ATP2B2: variants seen among roughly 807,000 people sequenced by gnomAD.
ATP2B2 encodes plasma membrane calcium-transporting ATPase 2.
ATP2B2 carries 15 observed loss-of-function variants against 120.0 expected under a neutral mutation model. The ratio of observed to expected loss-of-function variants is 0.12; its 90% confidence interval spans 0.08 to 0.19. The LOEUF is 0.19. Among genes scored for constraint, ATP2B2 ranks in the 10% least tolerant of loss-of-function variants. The pLI is 1.00. For missense variants in ATP2B2, 1,045 were observed against 1,719.8 expected (o/e 0.61, Z 6.94); for synonymous variants, 694 against 700.3 (o/e 0.99, Z 0.14).
chr3:10,486,533 A>G (rs889679113), intron 1 of ATP2B2, among the ~76,000 whole-genome samples: 9 of 151,976 alleles, frequency 5.9e-5, no homozygotes, highest in South Asian at 2.1e-4. Flanking sequence ...CGTGCCCAGT[A>G]TGTTCTCACC....
At position 10,372,040 on chromosome 3, in the gene ATP2B2, C is replaced by G. The variant is rs771774308; in HGVS notation, c.1428G>C (p.Lys476Asn). 6.2e-7 allele frequency: 1 copy of G among 1,614,126 alleles called. No individual in the cohort carries two copies. The highest frequency in any genetic ancestry group is 1.7e-5 in the Admixed American group (1 of 60,022). The change falls in exon 12 of 23, where the codon AAG (lysine) becomes AAC (asparagine). Residue 476 changes from lysine (K) to asparagine (N), a missense_variant. Coordinates refer to ENST00000360273, the MANE Select transcript of ATP2B2 (RefSeq NM_001001331.4). ...SLAYSVKKMM[K>N]DNNLVRHLDA... ...CCAGGTGGCGTACCAGGTTGTTGTC[C>G]TTCATCATTTTCTGGGAGAAGGGGC...
intron 2 of ATP2B2, among the ~76,000 whole-genome samples, chr3:10,448,089 GGCT>G: frequency 1.3e-5 from 2 of 152,226 alleles, no homozygotes; most frequent in Admixed American, 1.3e-4. Flanking sequence ...ATGCTGCCAG[GGCT>G]AGAGTCCAGC....
upstream of ATP2B2, among the ~76,000 whole-genome samples, chr3:10,506,810 C>G (rs1379708796): frequency 1.3e-5 from 2 of 152,210 alleles, no homozygotes; most frequent in Non-Finnish European, 2.9e-5. Flanking sequence ...TTCCCCTGCC[C>G]CCACCTCCTG....
chr3:10,352,924 G>A (rs2060618492), intron 14 of ATP2B2, among the ~76,000 whole-genome samples: 1 of 152,084 alleles, frequency 6.6e-6, no homozygotes, highest in Non-Finnish European at 1.5e-5. Context: ...ACTTGGAGTT[G>A]GAAAGGGTTT....
intron 1 of ATP2B2, among the ~76,000 whole-genome samples, chr3:10,630,445 A>C (rs1273399382): frequency 6.6e-6 from 1 of 152,130 alleles, no homozygotes; most frequent in East Asian, 1.9e-4. Flanking sequence ...TTCCTGCATT[A>C]GTTTGCTGAG....
intron 14 of ATP2B2, 53 bp downstream of exon 14, chr3:10,358,638 C>T: frequency 1.3e-6 from 2 of 1,580,906 alleles, no homozygotes; most frequent in Non-Finnish European, 1.7e-6. Flanking sequence ...ACCCTGGTGG[C>T]TGGCCTCCCA....
chr3:10,474,744 C>T (rs1296252300), intron 1 of ATP2B2, among the ~76,000 whole-genome samples: 1 of 152,280 alleles, frequency 6.6e-6, no homozygotes, highest in Non-Finnish European at 1.5e-5. Flanking sequence ...AGGCAGTTCC[C>T]CTGCCATAAA....
At chr3:10,474,702 T>C (rs888540074) in intron 1 of ATP2B2, among the ~76,000 whole-genome samples, 3 of 152,258 alleles carry the variant, frequency 2.0e-5, no homozygotes, top group Non-Finnish European at 4.4e-5. Context: ...AATAAGCACC[T>C]TGTAAGGTTC....
intron 3 of ATP2B2, among the ~76,000 whole-genome samples, chr3:10,406,947 G>A (rs561523127): frequency 1.3e-5 from 2 of 152,338 alleles, no homozygotes; most frequent in Middle Eastern, 3.4e-3. Flanking sequence ...CCTCCCTCTC[G>A]GGAAGACGTG....
chr3:10,562,926 G>T (rs1264489668), intron 2 of ATP2B2, among the ~76,000 whole-genome samples: 1 of 152,154 alleles, frequency 6.6e-6, no homozygotes, highest in African/African-American at 2.4e-5. Context: ...TGCTTTGGCT[G>T]CTAGGAAACT....
chr3:10,478,282 A>G (rs993078567), intron 1 of ATP2B2, among the ~76,000 whole-genome samples: 1 of 152,200 alleles, frequency 6.6e-6, no homozygotes, highest in Admixed American at 6.5e-5. Flanking sequence ...TCTTTATCAT[A>G]TATGTAATTT....
chr3:10,402,525 T>C lies in ATP2B2; in HGVS notation c.398-177A>G, dbSNP rs1339854431. 6.6e-6 allele frequency among the ~76,000 whole-genome samples: 1 copy of C among 152,250 alleles called. No homozygotes were observed. The highest frequency in any genetic ancestry group is 1.9e-4 in the East Asian group (1 of 5,200). On this transcript the variant is annotated intron_variant, in intron 3 of 22. Transcript: ENST00000360273. This position sits in a 1 kb window ranked among gnomAD's most constrained non-coding sequence, Gnocchi z 4.9. Reference sequence around the variant, plus strand: ...TGTGGAAAGTGCTTCACGCAGATCATCTCACAGGGTATTCCCGCTGCCCAT... The same window carrying C: ...TGTGGAAAGTGCTTCACGCAGATCACCTCACAGGGTATTCCCGCTGCCCAT...
At chr3:10,394,332 C>T (rs9858979) in intron 5 of ATP2B2, among the ~76,000 whole-genome samples, 68,674 of 151,828 alleles carry the variant, frequency 0.45, 17,510 homozygotes, top group East Asian at 0.97. Flanking sequence ...TCACAGAGCA[C>T]GAGGCAGTAG....
intron 3 of ATP2B2, among the ~76,000 whole-genome samples, chr3:10,514,266 G>A (rs2125443229): frequency 6.6e-6 from 1 of 152,304 alleles, no homozygotes; most frequent in East Asian, 1.9e-4. Flanking sequence ...GGTGTCCAGT[G>A]AGTGGTTGAG....
chr3:10,488,515 C>CTTCT (rs1575389511), intron 1 of ATP2B2, among the ~76,000 whole-genome samples: 1 of 118,072 alleles, frequency 8.5e-6, no homozygotes, highest in African/African-American at 3.0e-5. Flanking sequence ...TCGTTCCTTC[C>CTTCT]TTCCTTCCTT....
intron 1 of ATP2B2, among the ~76,000 whole-genome samples, chr3:10,471,527 ACAGT>A (rs1448383861): frequency 2.0e-5 from 3 of 151,966 alleles, no homozygotes; most frequent in Non-Finnish European, 2.9e-5. Flanking sequence ...AAGGAAAGAC[ACAGT>A]CAGGCAGAGA....
intron 3 of ATP2B2, among the ~76,000 whole-genome samples, chr3:10,515,048 T>G (rs572474612): frequency 1.1e-4 from 17 of 152,320 alleles, no homozygotes; most frequent in African/African-American, 3.1e-4. Flanking sequence ...TGTAAGTAGA[T>G]TCTCAGATAC....
intron 2 of ATP2B2, among the ~76,000 whole-genome samples, chr3:10,590,997 T>A (rs1176096521): frequency 6.6e-6 from 1 of 151,920 alleles, no homozygotes; most frequent in Non-Finnish European, 1.5e-5. Context: ...CCTGTCCCTG[T>A]AGGTATGTGA....
chr3:10,484,231 G>A (rs1221437519), intron 1 of ATP2B2, among the ~76,000 whole-genome samples: 1 of 152,138 alleles, frequency 6.6e-6, no homozygotes, highest in Non-Finnish European at 1.5e-5. Context: ...CATCTCCAGG[G>A]ACCAGAGACT....
Sources: allele counts gnomAD v4.1 joint callset (sites outside exome capture counted in the v4.1 genomes callset), GRCh38; gene constraint gnomAD v4.1.1; non-coding constraint Gnocchi (gnomAD v3.1); transcripts MANE v1.5; gene names NCBI Gene and HGNC (gene_info 2026-07-23, HGNC 2026-07-21).